The following TMCO4 variants were observed in gnomAD, a reference collection of about 807,000 sequenced individuals.
TMCO4 encodes transmembrane and coiled-coil domains 4.
Under a neutral mutation model 64.7 loss-of-function variants are expected in TMCO4, and 58 were observed. The observed-to-expected ratio is 0.90, with a 90% CI of 0.73 to 1.12. The LOEUF is 1.12. TMCO4 is among the 50% of genes most tolerant of loss of function. The pLI is 0.00. For synonymous variants in TMCO4, 325 were observed against 346.1 expected, an observed-to-expected ratio of 0.94 and a Z score of 0.68; for missense variants, 780 against 825.9, an observed-to-expected ratio of 0.94 and a Z score of 0.68.
chr1:19,756,559 C>T (rs1483833195), intron 6 of TMCO4, among the ~76,000 whole-genome samples: 7 of 152,052 alleles, frequency 4.6e-5, no homozygotes, highest in Non-Finnish European at 8.8e-5. Context: ...TGGAAACAAC[C>T]TGGAGATTTC....
intron 15 of TMCO4, among the ~76,000 whole-genome samples, chr1:19,685,557 T>A (rs992984496): frequency 6.6e-6 from 1 of 152,156 alleles, no homozygotes; most frequent in African/African-American, 2.4e-5. Flanking sequence ...AGGTCCTTAA[T>A]ACATTGCAGC....
rs770135383 is a variant in TMCO4 at position 19,771,305 on chromosome 1, T to C, written c.354+3A>G. On this transcript the variant is annotated splice_donor_region_variant and intron_variant, in intron 5 of 15. Transcript: ENST00000294543. ...AGCAGCCACCACCAGGTGTTGGGTGTACCTGAGTGATCACCGTCGGGTCGT... is the reference window on the plus strand; with the variant it reads ...AGCAGCCACCACCAGGTGTTGGGTGCACCTGAGTGATCACCGTCGGGTCGT... 3.1e-6 allele frequency: 5 copies of C among 1,613,610 alleles called. No individual in the cohort carries two copies. The Admixed American group carries it at 6.7e-5, about 22-fold the overall frequency.
At chr1:19,685,714 T>TC (rs1454498282) in intron 15 of TMCO4, among the ~76,000 whole-genome samples, 44 of 89,514 alleles carry the variant, frequency 4.9e-4, no homozygotes, top group African/African-American at 2.0e-3. Context: ...CTGTTTCTTT[T>TC]TTTTTTTTTT....
At chr1:19,694,759 A>G (rs1208354498) in intron 14 of TMCO4, among the ~76,000 whole-genome samples, 1 of 152,224 alleles carries the variant, frequency 6.6e-6, no homozygotes, top group East Asian at 1.9e-4. Context: ...CATGGTGTGC[A>G]GGGCTATGCA....
Position 19,682,978 on chromosome 1 carries a change from G to C in TMCO4, c.*62C>G. 1 of 1,515,364 alleles carries C rather than the reference G, an allele frequency of 6.6e-7. No individual in the cohort carries two copies. The highest frequency in any genetic ancestry group is 8.8e-7 in the Non-Finnish European group (1 of 1,132,534). The allele number at this position is 1,515,364 out of a possible 1,614,324, so 93.9% of individuals were successfully genotyped here. A position where few individuals can be genotyped will look rare whatever the true frequency, so the allele number is the denominator to read the frequency against. Reference sequence around the variant, plus strand: ...CCTCCAGAGCTCCTGGGAGGAACCCGAGGGTATAAGAGAGAGCTGCATATG... The same window carrying C: ...CCTCCAGAGCTCCTGGGAGGAACCCCAGGGTATAAGAGAGAGCTGCATATG... On this transcript the variant is annotated 3_prime_UTR_variant, in exon 16 of 16. Coordinates refer to ENST00000294543, the MANE Select transcript of TMCO4 (RefSeq NM_181719.7).
At chr1:19,757,766 G>C (rs2042332836) in intron 6 of TMCO4, among the ~76,000 whole-genome samples, 1 of 152,074 alleles carries the variant, frequency 6.6e-6, no homozygotes, top group Non-Finnish European at 1.5e-5. Flanking sequence ...TCCAACTGCT[G>C]TACCTACCTG....
chr1:19,774,637 G>A (rs549047898), intron 4 of TMCO4, among the ~76,000 whole-genome samples: 1 of 152,262 alleles, frequency 6.6e-6, no homozygotes, highest in South Asian at 2.1e-4. Flanking sequence ...CTTGATAATT[G>A]CTACTAATGT....
At chr1:19,772,454 C>T (rs369789717) in intron 4 of TMCO4, among the ~76,000 whole-genome samples, 6 of 152,116 alleles carry the variant, frequency 3.9e-5, no homozygotes, top group East Asian at 3.9e-4. Flanking sequence ...GGGATGGGGC[C>T]GCTCTAGGGG....
chr1:19,695,462 T>C (rs1416810419), intron 14 of TMCO4, among the ~76,000 whole-genome samples: 1 of 152,186 alleles, frequency 6.6e-6, no homozygotes, highest in Non-Finnish European at 1.5e-5. Flanking sequence ...CACCCCAGGC[T>C]CAGATCCAAC....
chr1:19,787,689 T>G (rs2043814402), intron 2 of TMCO4, among the ~76,000 whole-genome samples: 1 of 152,176 alleles, frequency 6.6e-6, no homozygotes, highest in African/African-American at 2.4e-5. Flanking sequence ...AACCGCAACT[T>G]CAAACCAAAA....
chr1:19,755,442 A>G (rs931542112), intron 7 of TMCO4, among the ~76,000 whole-genome samples, 192 bp downstream of exon 7: 1 of 152,212 alleles, frequency 6.6e-6, no homozygotes, highest in Admixed American at 6.5e-5. Flanking sequence ...TTGCAAATGA[A>G]GTCAGAGGCC....
chr1:19,692,691 G>A (rs987341216), intron 15 of TMCO4, among the ~76,000 whole-genome samples: 1 of 151,906 alleles, frequency 6.6e-6, no homozygotes, highest in Non-Finnish European at 1.5e-5. Context: ...AGGTTGCAGT[G>A]AGCCGAGATC....
chr1:19,772,593 G>C (rs2043034444), intron 4 of TMCO4, among the ~76,000 whole-genome samples: 1 of 152,112 alleles, frequency 6.6e-6, no homozygotes, highest in Non-Finnish European at 1.5e-5. Flanking sequence ...GGTGGCAGGT[G>C]GGCCAGGAGA....
At chr1:19,776,750 G>T (rs536154063) in intron 4 of TMCO4, among the ~76,000 whole-genome samples, 1 of 152,020 alleles carries the variant, frequency 6.6e-6, no homozygotes, top group Non-Finnish European at 1.5e-5. Context: ...AAAGCCAGGC[G>T]GCCGCGGTGG....
At chr1:19,721,788 C>CAAACAAAACA (rs745424127) in intron 13 of TMCO4, among the ~76,000 whole-genome samples, 108 of 151,726 alleles carry the variant, frequency 7.1e-4, no homozygotes, top group African/African-American at 2.3e-3. Flanking sequence ...GACCCTGTCT[C>CAAACAAAACA]AAACAAAACA....
intron 2 of TMCO4, among the ~76,000 whole-genome samples, chr1:19,793,013 T>C (rs1469636631): frequency 6.6e-6 from 1 of 152,074 alleles, no homozygotes; most frequent in Non-Finnish European, 1.5e-5. Flanking sequence ...CAAGTGATCC[T>C]GTCACCTCAG....
chr1:19,707,621 C>T (rs2095309049), intron 13 of TMCO4, among the ~76,000 whole-genome samples: 1 of 152,160 alleles, frequency 6.6e-6, no homozygotes, highest in Non-Finnish European at 1.5e-5. Context: ...GAAACTCTAT[C>T]TCAAAAAATA....
At chr1:19,745,745 C>T in intron 9 of TMCO4, 94 bp from the exon 10 acceptor site, 1 of 1,455,184 alleles carries the variant, frequency 6.9e-7, no homozygotes, top group Non-Finnish European at 9.2e-7. Context: ...ACACAGTGAG[C>T]ACCATCTGTG....
At chr1:19,701,004 G>A (rs200816918) in intron 13 of TMCO4, 119 bp from the exon 14 acceptor site, 13 of 770,980 alleles carry the variant, frequency 1.7e-5, no homozygotes, top group South Asian at 5.1e-5. Flanking sequence ...ACACGTGAAC[G>A]TGGACAATCA....
Sources: allele counts gnomAD v4.1 joint callset (sites outside exome capture counted in the v4.1 genomes callset), GRCh38; gene constraint gnomAD v4.1.1; transcripts MANE v1.5; gene names NCBI Gene and HGNC (gene_info 2026-07-23, HGNC 2026-07-21).